The following AFF3 variants were observed in gnomAD, a reference collection of about 807,000 sequenced individuals.
The protein encoded by AFF3 is ALF transcription elongation factor 3.
AFF3 carries 32 observed loss-of-function variants against 129.7 expected under a neutral mutation model. That is an observed-to-expected ratio of 0.25 (90% CI 0.19 to 0.33). The LOEUF (loss-of-function observed/expected upper bound fraction) is 0.33, where lower values mean the gene tolerates loss of function less well. Ranked by LOEUF, AFF3 falls within the 10% of genes least tolerant of loss-of-function variation. The pLI is 1.00. For synonymous variants in AFF3, 644 were observed against 635.4 expected (o/e 1.01, Z -0.20); for missense variants, 1,373 against 1,592.0 (o/e 0.86, Z 2.34).
chr2:100,021,426 C>T (rs1244995826), intron 4 of AFF3, among the ~76,000 whole-genome samples: 2 of 152,140 alleles, frequency 1.3e-5, no homozygotes, highest in African/African-American at 4.8e-5. Flanking sequence ...TTGTTTCATG[C>T]TTTTTCCTTC....
chr2:99,674,002 G>A (rs1383208485), intron 11 of AFF3, among the ~76,000 whole-genome samples: 9 of 152,162 alleles, frequency 5.9e-5, no homozygotes, highest in East Asian at 1.9e-4. Context: ...CCCCAGTTTC[G>A]TCAAGGAGAA....
intron 13 of AFF3, among the ~76,000 whole-genome samples, chr2:99,643,055 A>ATTTTTTTTTT (rs34572652): frequency 9.9e-6 from 1 of 100,864 alleles, no homozygotes; most frequent in Non-Finnish European, 1.9e-5. Context: ...TACTTAAAAG[A>ATTTTTTTTTT]TTTTTTTTTT....
At chr2:99,671,406 C>T (rs754994866) in intron 12 of AFF3, among the ~76,000 whole-genome samples, 1 of 152,200 alleles carries the variant, frequency 6.6e-6, no homozygotes, top group Non-Finnish European at 1.5e-5. Context: ...ACCTGCCAAT[C>T]TGGTTTCCAG....
intron 2 of AFF3, among the ~76,000 whole-genome samples, chr2:100,119,306 A>G (rs191753709): frequency 6.6e-6 from 1 of 152,306 alleles, no homozygotes; most frequent in East Asian, 1.9e-4. Flanking sequence ...TTACAGCCCT[A>G]CTTTAAGCCA....
intron 11 of AFF3, among the ~76,000 whole-genome samples, chr2:99,711,272 T>C (rs1473519202): frequency 6.6e-6 from 1 of 152,186 alleles, no homozygotes; most frequent in Non-Finnish European, 1.5e-5. Flanking sequence ...ATCTTGGCTC[T>C]GCGGCTCATG....
At position 99,949,441 on chromosome 2, in the gene AFF3, A is replaced by G. The variant is rs373788271; in HGVS notation, c.873+57191T>C. On this transcript the variant is annotated intron_variant, in intron 7 of 24. Coordinates refer to ENST00000672756, the MANE Select transcript of AFF3 (RefSeq NM_001386135.1). ...GATGGTTTGGGGATGATTCAAGTGC[A>G]TTACATTTATTATGTACCTTATTTC... is the stretch of plus-strand genomic sequence containing the variant. Among the ~76,000 whole-genome samples, 98 of 152,146 alleles carry G rather than the reference A, an allele frequency of 6.4e-4. 2 individuals are homozygous for G. The South Asian group carries it at 0.02, about 31-fold the overall frequency.
At chr2:99,552,874 T>G (rs1674533271) in intron 24 of AFF3, among the ~76,000 whole-genome samples, 1 of 152,240 alleles carries the variant, frequency 6.6e-6, no homozygotes, top group Admixed American at 6.5e-5. Context: ...CTTTCTGTTT[T>G]GTCCACTGGT....
chr2:99,666,914 T>A (rs77742402), intron 12 of AFF3, among the ~76,000 whole-genome samples: 3 of 151,902 alleles, frequency 2.0e-5, no homozygotes, highest in African/African-American at 7.3e-5. Context: ...AACAACCCGA[T>A]TGAATAGAAA....
chr2:99,573,587 A>C (rs744145), intron 18 of AFF3, among the ~76,000 whole-genome samples: 53,951 of 152,010 alleles, frequency 0.35, 13,360 homozygotes, highest in African/African-American at 0.71. Flanking sequence ...ATATGCGAGT[A>C]TTCCCATCCT....
At chr2:100,044,418 C>T (rs759342280) in intron 4 of AFF3, among the ~76,000 whole-genome samples, 4 of 151,896 alleles carry the variant, frequency 2.6e-5, no homozygotes, top group Admixed American at 6.6e-5. Flanking sequence ...AGAATAGCTC[C>T]GTTTCACAAC....
At chr2:99,862,870 TA>T (rs1156582181) in intron 7 of AFF3, among the ~76,000 whole-genome samples, 1 of 152,198 alleles carries the variant, frequency 6.6e-6, no homozygotes, top group Non-Finnish European at 1.5e-5. Context: ...CAATGGCAAT[TA>T]AAAAGACCCC....
At chr2:100,080,668 T>G (rs963050309) in intron 4 of AFF3, among the ~76,000 whole-genome samples, 30 of 152,128 alleles carry the variant, frequency 2.0e-4, no homozygotes, top group Non-Finnish European at 1.9e-4. Context: ...CACTAACCAG[T>G]GTGCCTCAAT....
At chr2:99,753,665 G>A (rs140744293) in intron 8 of AFF3, among the ~76,000 whole-genome samples, 1 of 152,246 alleles carries the variant, frequency 6.6e-6, no homozygotes, top group Non-Finnish European at 1.5e-5. Flanking sequence ...GAAGCCGTGG[G>A]AGGGCGAGTG....
At chr2:99,556,824 A>G (rs973946145) in intron 22 of AFF3, among the ~76,000 whole-genome samples, 1 of 151,796 alleles carries the variant, frequency 6.6e-6, no homozygotes, top group Non-Finnish European at 1.5e-5. Context: ...TGGGAGGCTG[A>G]GGTGGGAGGA....
chr2:99,594,463 C>T (rs1679089736), intron 14 of AFF3, among the ~76,000 whole-genome samples, 174 bp from the exon 15 acceptor site: 1 of 152,170 alleles, frequency 6.6e-6, no homozygotes, highest in Non-Finnish European at 1.5e-5. Flanking sequence ...CCATGTGGCA[C>T]TCAGGATGCC....
At chr2:99,973,881 T>TA in intron 7 of AFF3, among the ~76,000 whole-genome samples, 1 of 152,130 alleles carries the variant, frequency 6.6e-6, no homozygotes, top group Non-Finnish European at 1.5e-5. Flanking sequence ...ACGCAGGCGT[T>TA]AATGAGCCAT....
At chr2:100,126,309 G>A (rs1254109893) in intron 2 of AFF3, among the ~76,000 whole-genome samples, 2 of 152,320 alleles carry the variant, frequency 1.3e-5, no homozygotes, top group South Asian at 2.1e-4. Context: ...GAAGCCAGAG[G>A]AGTGTTTACT....
At chr2:99,755,393 G>A (rs778960634) in intron 8 of AFF3, among the ~76,000 whole-genome samples, 9 of 151,452 alleles carry the variant, frequency 5.9e-5, no homozygotes, top group Non-Finnish European at 1.2e-4. Flanking sequence ...TCAGCCTCCC[G>A]AGTAGCTGGG....
At chr2:99,865,969 CA>C in intron 7 of AFF3, among the ~76,000 whole-genome samples, 1 of 152,252 alleles carries the variant, frequency 6.6e-6, no homozygotes, top group Non-Finnish European at 1.5e-5. Flanking sequence ...TACGATGTGT[CA>C]GCCATTGTGC....
Sources: allele counts gnomAD v4.1 joint callset (sites outside exome capture counted in the v4.1 genomes callset), GRCh38; gene constraint gnomAD v4.1.1; transcripts MANE v1.5; gene names NCBI Gene and HGNC (gene_info 2026-07-23, HGNC 2026-07-21).